FRMD4A: variants seen among roughly 807,000 people sequenced by gnomAD.
FRMD4A encodes the protein FERM domain containing 4A.
FRMD4A carries 29 observed loss-of-function variants against 129.1 expected under a neutral mutation model. That is an observed-to-expected ratio of 0.22 (90% CI 0.17 to 0.31). The LOEUF (loss-of-function observed/expected upper bound fraction) is 0.31, where lower values mean the gene tolerates loss of function less well. Among genes scored for constraint, FRMD4A ranks in the 10% least tolerant of loss-of-function variants. FRMD4A has a pLI of 1.00. For missense variants in FRMD4A, 1,272 were observed against 1,375.8 expected (o/e 0.92, Z 1.19); for synonymous variants, 634 against 571.6 (o/e 1.11, Z -1.56).
rs182744763 is a variant in FRMD4A at position 13,664,507 on chromosome 10, T to C, written c.1604-998A>G. Among the ~76,000 whole-genome samples the C allele has an allele frequency of 1.4e-4, 21 of 151,434 alleles. No individual in the cohort carries two copies. In the East Asian group the frequency reaches 4.1e-3, roughly 29 times the overall value. ...AATTTTAAAAAATTCTCTTTTTAAC[T>C]AGAAATTCACTTTATTTATGTTGCA... On this transcript the variant is annotated intron_variant, in intron 18 of 24. Coordinates refer to ENST00000357447, the MANE Select transcript of FRMD4A (RefSeq NM_018027.5).
intron 2 of FRMD4A, among the ~76,000 whole-genome samples, chr10:14,158,174 A>G (rs1840694845): frequency 6.6e-6 from 1 of 152,194 alleles, no homozygotes; most frequent in African/African-American, 2.4e-5. Flanking sequence ...GAGGAGCTGG[A>G]GAAGAATTTG....
chr10:13,955,921 A>C (rs2095407441), intron 2 of FRMD4A, among the ~76,000 whole-genome samples: 1 of 152,212 alleles, frequency 6.6e-6, no homozygotes, highest in African/African-American at 2.4e-5. Flanking sequence ...AGTTTCTCCC[A>C]TTCTTGGCTT....
rs984912664 is a variant in FRMD4A, at chr10:13,857,469, T to A, written c.111+1378A>T. ...CACCAAAAAGGGAACAACACTTGAA[T>A]TAGTGTCATGTGCTTATGAGCCTTT... On this transcript the variant is annotated intron_variant, in intron 3 of 24. Coordinates refer to ENST00000357447, the MANE Select transcript of FRMD4A (RefSeq NM_018027.5). Among the ~76,000 whole-genome samples the A allele has an allele frequency of 4.6e-5, 7 of 152,288 alleles. No individual in the cohort carries two copies. In the South Asian group the frequency reaches 1.5e-3, roughly 32 times the overall value.
chr10:13,949,656 A>G (rs1265536271), intron 2 of FRMD4A, among the ~76,000 whole-genome samples: 1 of 152,268 alleles, frequency 6.6e-6, no homozygotes, highest in African/African-American at 2.4e-5. Context: ...TTTATGACTT[A>G]CAAAGCAATT....
intron 2 of FRMD4A, among the ~76,000 whole-genome samples, chr10:14,286,494 G>T (rs559386903): frequency 2.6e-5 from 4 of 152,078 alleles, no homozygotes; most frequent in Non-Finnish European, 5.9e-5. Flanking sequence ...GAAACAATGT[G>T]CCAGGAAAAT....
chr10:14,244,084 CAT>C (rs1027841791), intron 2 of FRMD4A, among the ~76,000 whole-genome samples: 1 of 152,190 alleles, frequency 6.6e-6, no homozygotes, highest in Admixed American at 6.5e-5. Flanking sequence ...AGCAAGAAGA[CAT>C]ATGACCAAAT....
At chr10:13,883,416 T>C (rs879724382) in intron 2 of FRMD4A, among the ~76,000 whole-genome samples, 1 of 152,084 alleles carries the variant, frequency 6.6e-6, no homozygotes, top group Non-Finnish European at 1.5e-5. Context: ...TTCTTGAACC[T>C]GGGAGGCGGA....
intron 2 of FRMD4A, among the ~76,000 whole-genome samples, chr10:14,217,725 C>T (rs151022579): frequency 2.6e-4 from 39 of 152,326 alleles, no homozygotes; most frequent in African/African-American, 9.4e-4. Flanking sequence ...AGACAGGTCT[C>T]TGTCCACTTA....
At chr10:14,017,246 G>A (rs1205429274) in intron 2 of FRMD4A, among the ~76,000 whole-genome samples, 1 of 152,200 alleles carries the variant, frequency 6.6e-6, no homozygotes, top group African/African-American at 2.4e-5. Context: ...TGTGAAGCTG[G>A]CTGTGTAGAT....
chr10:13,955,875 A>T (rs1018054758), intron 2 of FRMD4A, among the ~76,000 whole-genome samples: 2 of 152,242 alleles, frequency 1.3e-5, no homozygotes, highest in African/African-American at 4.8e-5. Flanking sequence ...TAGAATACAT[A>T]AAGCAGTATG....
intron 2 of FRMD4A, among the ~76,000 whole-genome samples, chr10:14,164,459 A>G (rs1253659372): frequency 1.3e-5 from 2 of 152,208 alleles, no homozygotes; most frequent in African/African-American, 4.8e-5. Context: ...CTATTCAGGT[A>G]TCAAGCTGTC....
chr10:14,143,466 G>T (rs913630714), intron 2 of FRMD4A, among the ~76,000 whole-genome samples: 1 of 152,224 alleles, frequency 6.6e-6, no homozygotes, highest in Non-Finnish European at 1.5e-5. Flanking sequence ...TGGTGGTTGG[G>T]GAGATGGAAT....
intron 3 of FRMD4A, among the ~76,000 whole-genome samples, chr10:13,844,712 G>A (rs756360513): frequency 2.8e-4 from 43 of 152,196 alleles, no homozygotes; most frequent in Non-Finnish European, 2.8e-4. Flanking sequence ...CCTGGAGAAT[G>A]TGTTTCTCCA....
At chr10:13,656,225 A>G (rs951995143) in intron 22 of FRMD4A, among the ~76,000 whole-genome samples, 4 of 151,970 alleles carry the variant, frequency 2.6e-5, no homozygotes, top group East Asian at 3.9e-4. Context: ...CCCATCCCCA[A>G]CCCAGCTTCC....
At chr10:14,012,135 A>G (rs1449695238) in intron 2 of FRMD4A, among the ~76,000 whole-genome samples, 1 of 149,924 alleles carries the variant, frequency 6.7e-6, no homozygotes, top group Non-Finnish European at 1.5e-5. Context: ...GAATGGCCTA[A>G]TGGCTGCTGG....
chr10:13,732,004 AT>A (rs1411414675), intron 12 of FRMD4A, among the ~76,000 whole-genome samples: 1 of 152,158 alleles, frequency 6.6e-6, no homozygotes. Flanking sequence ...GTGATTTTCG[AT>A]TTTTTGACAA....
chr10:14,175,446 AT>A (rs992877126), intron 2 of FRMD4A, among the ~76,000 whole-genome samples: 7 of 149,640 alleles, frequency 4.7e-5, no homozygotes, highest in African/African-American at 1.7e-4. Context: ...ACACATCAGC[AT>A]TCCAATAGAA....
intron 8 of FRMD4A, among the ~76,000 whole-genome samples, chr10:13,750,816 G>T (rs1471826592): frequency 6.6e-6 from 1 of 152,148 alleles, no homozygotes; most frequent in Non-Finnish European, 1.5e-5. Context: ...TAAACTCCTA[G>T]TGTTCAGGAA....
intron 2 of FRMD4A, among the ~76,000 whole-genome samples, chr10:14,046,507 C>G (rs1833996970): frequency 6.6e-6 from 1 of 152,140 alleles, no homozygotes; most frequent in African/African-American, 2.4e-5. Flanking sequence ...CAACTGAGCC[C>G]AAAATGCCTA....
Sources: allele counts gnomAD v4.1 joint callset (sites outside exome capture counted in the v4.1 genomes callset), GRCh38; gene constraint gnomAD v4.1.1; transcripts MANE v1.5; gene names NCBI Gene and HGNC (gene_info 2026-07-23, HGNC 2026-07-21).